RBBP4: variants seen among roughly 807,000 people sequenced by gnomAD.
RBBP4 encodes the protein histone-binding protein RBBP4.
RBBP4 carries 3 observed loss-of-function variants against 57.2 expected under a neutral mutation model. The observed-to-expected ratio is 0.05, with a 90% CI of 0.02 to 0.14. The LOEUF is 0.14. Among genes scored for constraint, RBBP4 ranks in the 10% least tolerant of loss-of-function variants. The pLI is 1.00. For synonymous variants in RBBP4, 151 were observed against 171.5 expected (o/e 0.88, Z 0.93); for missense variants, 107 against 520.6 (o/e 0.21, Z 7.73).
intron 2 of RBBP4, among the ~76,000 whole-genome samples, chr1:32,654,144 A>T (rs1648033361): frequency 6.6e-6 from 1 of 152,098 alleles, no homozygotes; most frequent in Admixed American, 6.6e-5. Flanking sequence ...AGGCTGAGGC[A>T]GGCAGATTGC....
chr1:32,672,941 T>A, intron 11 of RBBP4, 40 bp downstream of exon 11: 1 of 1,447,048 alleles, frequency 6.9e-7, no homozygotes, highest in Non-Finnish European at 9.7e-7. Flanking sequence ...GTGAAATAAG[T>A]GAGACATAGA....
intron 1 of RBBP4, chr1:32,651,662 T>G: frequency 1.4e-6 from 1 of 736,470 alleles, no homozygotes; most frequent in Non-Finnish European, 2.1e-6. Context: ...CTTGTGAGTT[T>G]CGGCGCGCAC....
intron 2 of RBBP4, among the ~76,000 whole-genome samples, chr1:32,653,997 A>G (rs560588799): frequency 2.0e-5 from 3 of 152,132 alleles, no homozygotes; most frequent in South Asian, 2.1e-4. Flanking sequence ...CCCACATGCA[A>G]TTGATCATCA....
chr1:32,684,203 C>G lies in RBBP4; in HGVS notation c.*4498C>G. 1 of 1,608,996 alleles carries G rather than the reference C, an allele frequency of 6.2e-7. No individual in the cohort carries two copies. The highest frequency in any genetic ancestry group is 8.5e-7 in the Non-Finnish European group (1 of 1,176,160). ...TAAGGTAAAATTTTCCCTAAGCCCT[C>G]CCACCATCCCCTCAGCCAGTATTAG... is the stretch of plus-strand genomic sequence containing the variant. On this transcript the variant is annotated 3_prime_UTR_variant, in exon 12 of 12. Transcript: ENST00000373493.
intron 8 of RBBP4, among the ~76,000 whole-genome samples, chr1:32,671,536 T>G (rs1648874891): frequency 6.6e-6 from 1 of 151,796 alleles, no homozygotes. Flanking sequence ...TGAACTGAGA[T>G]CACCCCACAA....
In RBBP4 at chr1:32,679,701, C is replaced by T; in HGVS notation, c.1274C>T (p.Ser425Phe). Reference protein sequence around the residue: ...EGSVDPEGQGS With the variant: ...EGSVDPEGQGF ...AGCGTGGATCCAGAAGGACAAGGGTCCTAGATATGTCTTTACTTGTTGTGA... is the reference window on the plus strand; with the variant it reads ...AGCGTGGATCCAGAAGGACAAGGGTTCTAGATATGTCTTTACTTGTTGTGA... Residue 425 changes from serine to phenylalanine, a missense_variant, in exon 12 of 12, where the codon TCC becomes TTC. Physicochemically the swap from Ser to Phe is radical, Grantham distance 155. This residue lies in a region of RBBP4 where 14 missense variants were observed against 52.0 expected (regional missense o/e 0.27). Transcript: ENST00000373493. The T allele has an allele frequency of 6.2e-7, 1 of 1,612,626 alleles. No homozygotes were observed. The highest frequency in any genetic ancestry group is 8.5e-7 in the Non-Finnish European group (1 of 1,179,426).
chr1:32,661,514 G>A (rs374442218), intron 3 of RBBP4, among the ~76,000 whole-genome samples: 3 of 151,910 alleles, frequency 2.0e-5, no homozygotes, highest in East Asian at 1.9e-4. Context: ...GGCTGGTCTC[G>A]AACTCCCAAC....
intron 1 of RBBP4, chr1:32,651,537 C>T (rs929686547): frequency 1.6e-6 from 2 of 1,266,458 alleles, no homozygotes; most frequent in Non-Finnish European, 2.1e-6. Context: ...GGTGGGGCCC[C>T]CGGCCAGTGT....
In RBBP4 at chr1:32,682,087, T is replaced by G. The variant is rs528461204; in HGVS notation, c.*2382T>G. 11 of 520,686 alleles carry G rather than the reference T, an allele frequency of 2.1e-5. No individual in the cohort carries two copies. The highest frequency in any genetic ancestry group is 1.9e-4 in the African/African-American group (10 of 52,030). The allele number at this position is 520,686 out of a possible 1,614,324, so 32.3% of individuals were successfully genotyped here. A position where few individuals can be genotyped will look rare whatever the true frequency, so the allele number is the denominator to read the frequency against. ...TAGGTTAACTTCTTACAGGTATAATTACAATGCCTGAAATTCTGTAGTTTC... is the reference window on the plus strand; with the variant it reads ...TAGGTTAACTTCTTACAGGTATAATGACAATGCCTGAAATTCTGTAGTTTC... On this transcript the variant is annotated 3_prime_UTR_variant, in exon 12 of 12. Coordinates refer to ENST00000373493, the MANE Select transcript of RBBP4 (RefSeq NM_005610.3).
chr1:32,651,492 T>A, intron 1 of RBBP4, 170 bp downstream of exon 1: 2 of 1,360,452 alleles, frequency 1.5e-6, no homozygotes, highest in Non-Finnish European at 1.9e-6. Context: ...GCCAGTTCCC[T>A]GGGACCGATT....
In RBBP4 at chr1:32,673,537, G is replaced by A. The variant is rs547710232; in HGVS notation, c.1212+636G>A. The A allele has an allele frequency of 3.0e-5, 12 of 401,998 alleles. No individual in the cohort carries two copies. In the East Asian group the frequency reaches 3.5e-4, roughly 12 times the overall value. 24.9% of individuals were successfully genotyped at this position (401,998 alleles called of 1,614,324 possible). A position where few individuals can be genotyped will look rare whatever the true frequency, so the allele number is the denominator to read the frequency against. On this transcript the variant is annotated intron_variant, in intron 11 of 11. Transcript: ENST00000373493. The stretch of plus-strand genomic sequence containing the variant: ...ACTGCAACTTCCACCTCCCAGGTTC[G>A]ATCGATTCTCCTGCCTCAGCCTTCT...
At chr1:32,672,734 C>G (rs781400944) in intron 10 of RBBP4, 35 bp downstream of exon 10, 1 of 1,609,422 alleles carries the variant, frequency 6.2e-7, no homozygotes, top group Non-Finnish European at 8.5e-7. Flanking sequence ...CTGAAATAGT[C>G]TGTAATTTAA....
At chr1:32,666,561 C>T (rs751035156) in intron 3 of RBBP4, among the ~76,000 whole-genome samples, 4 of 151,918 alleles carry the variant, frequency 2.6e-5, no homozygotes, top group Non-Finnish European at 4.4e-5. Context: ...TTTACCATAT[C>T]GGTCAGGCTG....
chr1:32,659,003 ATATAGT>A (rs1004840568), intron 3 of RBBP4, among the ~76,000 whole-genome samples: 9 of 147,634 alleles, frequency 6.1e-5, no homozygotes, highest in Admixed American at 1.4e-4. Flanking sequence ...TGTGTGTAAA[ATATAGT>A]TATATATAAT....
intron 11 of RBBP4, among the ~76,000 whole-genome samples, chr1:32,676,408 C>G (rs1649102480): frequency 6.6e-6 from 1 of 151,968 alleles, no homozygotes. Flanking sequence ...AGTTTGAGAC[C>G]AGCCTGGTCA....
chr1:32,672,781 C>CCT lies in RBBP4; in HGVS notation c.1102-7_1102-6dup, dbSNP rs1648932876. The CCT allele has an allele frequency of 1.2e-6, 2 of 1,609,798 alleles. No individual in the cohort carries two copies. Among genetic ancestry groups the CCT allele is most frequent in the African/African-American group, 1.3e-5 (1 of 74,858 alleles). Reference sequence around the variant, plus strand: ...TGCATTTCACCTCTTTGTTTTCTTCCCTCTTTCAGTTTATTCATGGTGGTC... The same window carrying CCT: ...TGCATTTCACCTCTTTGTTTTCTTCCCTCTCTTTCAGTTTATTCATGGTGGTC... On this transcript the variant is annotated splice_polypyrimidine_tract_variant and intron_variant, in intron 10 of 11. Coordinates refer to ENST00000373493, the MANE Select transcript of RBBP4 (RefSeq NM_005610.3).
At chr1:32,675,179 C>T (rs1229404717) in intron 11 of RBBP4, among the ~76,000 whole-genome samples, 4 of 151,858 alleles carry the variant, frequency 2.6e-5, no homozygotes, top group South Asian at 2.1e-4. Context: ...TACAGGCATG[C>T]GCCACCACGC....
In RBBP4 at chr1:32,658,924, A is replaced by G. The variant is rs556002161; in HGVS notation, c.310+1352A>G. The stretch of plus-strand genomic sequence containing the variant: ...TTATATGTGTAATTTTACACAATAT[A>G]AATGTTATATTTATATATAAACATA... On this transcript the variant is annotated intron_variant, in intron 3 of 11. Transcript: ENST00000373493. Among the ~76,000 whole-genome samples the G allele has an allele frequency of 5.5e-5, 5 of 90,998 alleles. No homozygotes were observed. The South Asian group carries it at 1.7e-3, about 31-fold the overall frequency. The allele number at this position is 90,998 out of a possible 152,430, so 59.7% of individuals were successfully genotyped here.
rs1182777551 is a variant in RBBP4, at chr1:32,685,794, G to A, written c.*6089G>A. On this transcript the variant is annotated 3_prime_UTR_variant, in exon 12 of 12. Coordinates refer to ENST00000373493, the MANE Select transcript of RBBP4 (RefSeq NM_005610.3). ...GCACCACCAGTGATAAGCTGTGACA[G>A]AGTGGAACAGCCTCAATGAAATGAA... 6.6e-6 allele frequency: 1 copy of A among 152,226 alleles called. No homozygotes were observed. Among genetic ancestry groups the A allele is most frequent in the Non-Finnish European group, 1.5e-5 (1 of 68,052 alleles). The allele number at this position is 152,226 out of a possible 1,614,324, so 9.4% of individuals were successfully genotyped here.
Sources: gnomAD v4.1 joint callset for allele counts (sites outside exome capture counted in the v4.1 genomes callset) on GRCh38, gnomAD v4.1.1 for gene constraint, gnomAD v4.1.1 regional missense constraint, MANE v1.5 for transcripts, NCBI Gene and HGNC (gene_info 2026-07-23, HGNC 2026-07-21) for gene names.